Variants in HHAT observed in about 807,000 individuals in gnomAD.
HHAT encodes hedgehog acyltransferase.
Under a neutral mutation model 70.8 loss-of-function variants are expected in HHAT, and 47 were observed. The ratio of observed to expected loss-of-function variants is 0.66; its 90% CI spans 0.53 to 0.85. The LOEUF is 0.85. HHAT is among the 40% of genes least tolerant of loss of function. The pLI is 0.00. For synonymous variants in HHAT, 228 were observed against 247.6 expected, an observed-to-expected ratio of 0.92 and a Z score of 0.74; for missense variants, 609 against 604.8, an observed-to-expected ratio of 1.01 and a Z score of -0.07.
At chr1:210,341,928 T>A (rs2147943104) in intron 1 of HHAT, among the ~76,000 whole-genome samples, 1 of 152,264 alleles carries the variant, frequency 6.6e-6, no homozygotes, top group East Asian at 1.9e-4. Flanking sequence ...TGATTTCCTT[T>A]AACATCTAGT....
intron 10 of HHAT, among the ~76,000 whole-genome samples, chr1:210,593,351 T>A (rs1411721977): frequency 6.6e-6 from 1 of 152,156 alleles, no homozygotes; most frequent in East Asian, 1.9e-4. Context: ...TTTTGCTATA[T>A]CCCATCAGTT....
chr1:210,676,030 G>A lies in HHAT; in HGVS notation c.*1651G>A, dbSNP rs1011268570. 1.3e-5 allele frequency: 2 copies of A among 152,182 alleles called. No homozygotes were observed. Among genetic ancestry groups the A allele is most frequent in the Non-Finnish European group, 2.9e-5 (2 of 68,036 alleles). The allele number at this position is 152,182 out of a possible 1,614,324, so 9.4% of individuals were successfully genotyped here. ...GAGGGAGTCTGACTGAAGTTTACTT[G>A]GAAAGAAAGGGCTTGCTAAGAAAAA... On this transcript the variant is annotated 3_prime_UTR_variant, in exon 12 of 12. Transcript: ENST00000261458.
intron 7 of HHAT, chr1:210,439,748 C>CT (rs1276327050): frequency 6.6e-6 from 1 of 151,886 alleles, no homozygotes; most frequent in Non-Finnish European, 1.5e-5. Context: ...TTAAAAGGGT[C>CT]TTCAGGTAAG....
chr1:210,461,672 A>G (rs2093982173), intron 7 of HHAT, among the ~76,000 whole-genome samples: 1 of 152,242 alleles, frequency 6.6e-6, no homozygotes, highest in African/African-American at 2.4e-5. Flanking sequence ...TCCATGGTAC[A>G]AACACAATTT....
chr1:210,669,628 C>T (rs572663550), intron 11 of HHAT, among the ~76,000 whole-genome samples: 192 of 152,326 alleles, frequency 1.3e-3, no homozygotes, highest in African/African-American at 4.4e-3. Context: ...ATATCTTTGA[C>T]GCTACCTGGC....
At chr1:210,355,634 G>A (rs73067749) in intron 2 of HHAT, among the ~76,000 whole-genome samples, 2,297 of 152,226 alleles carry the variant, frequency 0.015, 68 homozygotes, top group African/African-American at 0.053. Context: ...CTAAGTGAGA[G>A]TGGTTGGCCT....
At chr1:210,427,920 G>A (rs1302891349) in intron 7 of HHAT, among the ~76,000 whole-genome samples, 1 of 152,000 alleles carries the variant, frequency 6.6e-6, no homozygotes, top group Non-Finnish European at 1.5e-5. Context: ...TATTGTGGGG[G>A]AGTCTAAGTC....
At chr1:210,606,807 G>T (rs1218901506) in intron 10 of HHAT, among the ~76,000 whole-genome samples, 2 of 152,142 alleles carry the variant, frequency 1.3e-5, no homozygotes, top group African/African-American at 4.8e-5. Flanking sequence ...TGGATCTCAG[G>T]TTGAAAAGTA....
intron 9 of HHAT, among the ~76,000 whole-genome samples, chr1:210,535,390 T>C (rs61828123): frequency 0.19 from 29,491 of 152,078 alleles, 3,369 homozygotes; most frequent in Middle Eastern, 0.29. Flanking sequence ...CCTAATGAGT[T>C]GTAATACTGT....
At position 210,521,797 on chromosome 1, in the gene HHAT, T is replaced by G. The variant is rs1299055500; in HGVS notation, c.1043+8609T>G. The stretch of plus-strand genomic sequence containing the variant: ...TTTTTGGTGTCCCCTTAGGACCGTT[T>G]AGACCTTTTTGGGCTCTGAGCTGCA... On this transcript the variant is annotated intron_variant, in intron 9 of 11. Coordinates refer to ENST00000261458, the MANE Select transcript of HHAT (RefSeq NM_018194.6). Among the ~76,000 whole-genome samples the G allele has an allele frequency of 2.6e-5, 4 of 152,200 alleles. No homozygotes were observed. The East Asian group carries it at 7.7e-4, about 29-fold the overall frequency.
intron 11 of HHAT, among the ~76,000 whole-genome samples, chr1:210,658,326 T>C (rs935676997): frequency 6.6e-6 from 1 of 151,924 alleles, no homozygotes; most frequent in African/African-American, 2.4e-5. Flanking sequence ...CTCAGACCTC[T>C]TGACATCACT....
chr1:210,422,339 C>T (rs1310207575), intron 7 of HHAT, among the ~76,000 whole-genome samples: 1 of 152,094 alleles, frequency 6.6e-6, no homozygotes, highest in African/African-American at 2.4e-5. Context: ...TCTAGTCATC[C>T]TACAGTACTA....
chr1:210,371,730 G>A (rs1451202843), intron 3 of HHAT, among the ~76,000 whole-genome samples: 1 of 152,092 alleles, frequency 6.6e-6, no homozygotes, highest in African/African-American at 2.4e-5. Context: ...ATGAGTTAAG[G>A]CCTAACCTCT....
At chr1:210,442,596 G>A (rs1480892684) in intron 7 of HHAT, among the ~76,000 whole-genome samples, 1 of 152,018 alleles carries the variant, frequency 6.6e-6, no homozygotes, top group Non-Finnish European at 1.5e-5. Context: ...TTTCTCTGAT[G>A]GCCAGTGATG....
chr1:210,559,037 T>C (rs1421095699), intron 9 of HHAT, among the ~76,000 whole-genome samples: 7 of 152,172 alleles, frequency 4.6e-5, no homozygotes, highest in Non-Finnish European at 7.3e-5. Context: ...GGTCAGTTCA[T>C]TGTCAGTTGA....
chr1:210,595,907 A>G (rs1169961387), intron 10 of HHAT, among the ~76,000 whole-genome samples: 1 of 151,950 alleles, frequency 6.6e-6, no homozygotes, highest in Non-Finnish European at 1.5e-5. Context: ...ATTTTCTCCC[A>G]TTCTGTAGGT....
intron 8 of HHAT, among the ~76,000 whole-genome samples, chr1:210,496,018 A>AAAAAAG (rs2094634037): frequency 2.0e-5 from 3 of 150,420 alleles, no homozygotes; most frequent in Non-Finnish European, 4.4e-5. Context: ...CTCAAAAAAA[A>AAAAAAG]AAAAAAAAAA....
At chr1:210,448,659 C>T (rs1327555291) in intron 7 of HHAT, among the ~76,000 whole-genome samples, 1 of 152,188 alleles carries the variant, frequency 6.6e-6, no homozygotes, top group African/African-American at 2.4e-5. Flanking sequence ...TCCCAGCTTT[C>T]ATGATTTCCC....
chr1:210,529,551 C>T (rs2095291384), intron 9 of HHAT, among the ~76,000 whole-genome samples: 1 of 152,154 alleles, frequency 6.6e-6, no homozygotes, highest in Admixed American at 6.5e-5. Flanking sequence ...CCTCAAAGTA[C>T]AAGTCAAAAA....
Sources: allele counts gnomAD v4.1 joint callset (sites outside exome capture counted in the v4.1 genomes callset), GRCh38; gene constraint gnomAD v4.1.1; transcripts MANE v1.5; gene names NCBI Gene and HGNC (gene_info 2026-07-23, HGNC 2026-07-21).